The following ZNF483 variants were observed in gnomAD, a reference collection of about 807,000 sequenced individuals.
ZNF483 encodes the protein zinc finger protein 483.
In ZNF483, 9 loss-of-function variants were observed where a neutral mutation model predicts 28.6. The ratio of observed to expected loss-of-function variants is 0.32; its 90% CI spans 0.19 to 0.55. ZNF483 has a LOEUF of 0.55. Among genes scored for constraint, ZNF483 ranks in the 20% least tolerant of loss-of-function variants. The pLI, the probability that ZNF483 is intolerant of heterozygous loss-of-function variation, is 0.93. For synonymous variants in ZNF483, 322 were observed against 306.2 expected (o/e 1.05, Z -0.54); for missense variants, 675 against 871.7 (o/e 0.77, Z 2.84).
Position 111,549,764 on chromosome 9 carries a change from T to A in ZNF483, c.*6594T>A, listed in dbSNP as rs1282484863. ...ATACATATTCCCTTCATTTTTCTGC[T>A]TTGAAGCTTCAATCTTCTTCATTTT... is the stretch of plus-strand genomic sequence containing the variant. On this transcript the variant is annotated 3_prime_UTR_variant, in exon 6 of 6. Coordinates refer to ENST00000309235, the MANE Select transcript of ZNF483 (RefSeq NM_133464.5). 1 of 1,550,374 alleles carries A rather than the reference T, an allele frequency of 6.5e-7. No homozygotes were observed. The highest frequency in any genetic ancestry group is 1.4e-5 in the African/African-American group (1 of 73,034).
At chr9:111,558,223 CATGGT>C (rs547051641), downstream of ZNF483, among the ~76,000 whole-genome samples, 3 of 152,214 alleles carry the variant, frequency 2.0e-5, no homozygotes, top group Non-Finnish European at 4.4e-5. Flanking sequence ...AGTACGGACT[CATGGT>C]TTCCCTTTTT....
intron 5 of ZNF483, among the ~76,000 whole-genome samples, chr9:111,561,110 T>TATATATATATATATATATAGAG (rs1457364862): frequency 5.2e-5 from 1 of 19,190 alleles, no homozygotes. Context: ...TATATATATA[T>TATATATATATATATATATAGAG]AGAGAGAGAG....
chr9:111,560,986 G>T (rs561574755), intron 5 of ZNF483, among the ~76,000 whole-genome samples: 47 of 69,546 alleles, frequency 6.8e-4, no homozygotes, highest in East Asian at 2.8e-3. Context: ...GAGAGAGAGA[G>T]AGAGAGAGAG....
In ZNF483 at chr9:111,552,942, A is replaced by C. The variant is rs553336194; in HGVS notation, c.*9772A>C. Among the ~76,000 whole-genome samples, 6 of 152,262 alleles carry C rather than the reference A, an allele frequency of 3.9e-5. No individual in the cohort carries two copies. The South Asian group carries it at 1.2e-3, about 32-fold the overall frequency. ...AATTTTCTAAATACGATAAAGTGAT[A>C]ATTTCTTCATCTCTCCATCTAAGGT... On this transcript the variant is annotated 3_prime_UTR_variant, in exon 6 of 6. Transcript: ENST00000309235.
At chr9:111,532,466 G>A (rs796644865) in intron 3 of ZNF483, among the ~76,000 whole-genome samples, 11 of 152,310 alleles carry the variant, frequency 7.2e-5, no homozygotes, top group African/African-American at 2.6e-4. Flanking sequence ...GTTAGGCAGA[G>A]TTTGGAGTGA....
chr9:111,561,256 T>C (rs1204266827), intron 5 of ZNF483, among the ~76,000 whole-genome samples: 1 of 150,998 alleles, frequency 6.6e-6, no homozygotes, highest in Non-Finnish European at 1.5e-5. Context: ...TCATCAGTAA[T>C]GTTGCTTTTG....
chr9:111,573,075 G>A (rs1422822584), intron 5 of ZNF483, among the ~76,000 whole-genome samples: 3 of 152,252 alleles, frequency 2.0e-5, no homozygotes, highest in Non-Finnish European at 2.9e-5. Flanking sequence ...GAACGGACAA[G>A]GCCAGCTGAC....
chr9:111,530,541 A>G (rs1245059223), intron 2 of ZNF483, among the ~76,000 whole-genome samples: 1 of 151,496 alleles, frequency 6.6e-6, no homozygotes, highest in Non-Finnish European at 1.5e-5. Context: ...TCTTGGACTG[A>G]GGCCTTAACC....
At chr9:111,536,024 G>C (rs1378505105) in intron 5 of ZNF483, among the ~76,000 whole-genome samples, 1 of 150,670 alleles carries the variant, frequency 6.6e-6, no homozygotes, top group Non-Finnish European at 1.5e-5. Flanking sequence ...AACTAGCTGG[G>C]ACTATAGGCA....
chr9:111,528,269 C>T (rs1241536547), intron 2 of ZNF483, among the ~76,000 whole-genome samples: 1 of 152,146 alleles, frequency 6.6e-6, no homozygotes, highest in Non-Finnish European at 1.5e-5. Context: ...TTTTGCAATT[C>T]AAGTACATGA....
Position 111,542,101 on chromosome 9 carries a change from C to G in ZNF483, c.1166C>G (p.Ser389Cys). ...KRQKIHLGDR[S>C]QKCSKCGIIF... ...CAGAAGATTCATTTGGGGGATAGGT[C>G]CCAAAAATGCAGTAAGTGTGGGATA... Residue 389 changes from serine to cysteine, a missense_variant, in exon 6 of 6, where the codon TCC (serine) becomes TGC (cysteine). Physicochemically the swap from Ser to Cys is moderately radical, Grantham distance 112 (BLOSUM62 -1). Coordinates refer to ENST00000309235, the MANE Select transcript of ZNF483 (RefSeq NM_133464.5). The surrounding 1 kb of genome is among the most constrained non-coding windows in gnomAD (Gnocchi z 6.2). 1 of 1,613,948 alleles carries G rather than the reference C, an allele frequency of 6.2e-7. No homozygotes were observed. Among genetic ancestry groups the G allele is most frequent in the Non-Finnish European group, 8.5e-7 (1 of 1,180,018 alleles).
rs757459005 is a variant in ZNF483 at position 111,542,669 on chromosome 9, C to G, written c.1734C>G (p.Pro578=). The change falls in exon 6 of 6, where the codon CCC becomes CCG. Residue 578 remains proline (P), a synonymous_variant. Transcript: ENST00000309235. The surrounding 1 kb of genome is among the most constrained non-coding windows in gnomAD (Gnocchi z 6.2). ...KHQRIHTGEK[P]YKCGECGKAF... ...AGAGAATTCATACTGGAGAGAAACC[C>G]TATAAATGTGGCGAATGTGGAAAAG... The G allele has an allele frequency of 6.2e-7, 1 of 1,613,854 alleles. No individual in the cohort carries two copies. The highest frequency in any genetic ancestry group is 1.3e-5 in the African/African-American group (1 of 74,870).
In ZNF483 at chr9:111,543,501, C is replaced by G. The variant is rs1827724426; in HGVS notation, c.*331C>G. 9.7e-7 allele frequency: 1 copy of G among 1,032,660 alleles called. No homozygotes were observed. Among genetic ancestry groups the G allele is most frequent in the African/African-American group, 1.7e-5 (1 of 58,744 alleles). The allele number at this position is 1,032,660 out of a possible 1,614,324, so 64.0% of individuals were successfully genotyped here. The stretch of plus-strand genomic sequence containing the variant: ...AGAGAACTTGACTGCAGTCACATAA[C>G]TTGGATTCTGTCCCAGTTTGCCAAC... On this transcript the variant is annotated 3_prime_UTR_variant, in exon 6 of 6. Coordinates refer to ENST00000309235, the MANE Select transcript of ZNF483 (RefSeq NM_133464.5).
At chr9:111,540,996 C>T (rs1010521516) in intron 5 of ZNF483, among the ~76,000 whole-genome samples, 9 of 151,308 alleles carry the variant, frequency 5.9e-5, no homozygotes, top group African/African-American at 1.2e-4. Context: ...GTGCTTGGTG[C>T]GGGACCTGGC....
chr9:111,532,091 T>TTGA lies in ZNF483; in HGVS notation c.501+1129_501+1131dup, dbSNP rs1171036553. Among the ~76,000 whole-genome samples, 4 of 152,300 alleles carry TTGA rather than the reference T, an allele frequency of 2.6e-5. No individual in the cohort carries two copies. The South Asian group carries it at 6.2e-4, about 24-fold the overall frequency. Reference sequence around the variant, plus strand: ...TGGGAGGCCGGGGTGGGAGGATTGCTTGAGCCTGGGAGTTCGAGAGCAGTC... The same window carrying TTGA: ...TGGGAGGCCGGGGTGGGAGGATTGCTTGATGAGCCTGGGAGTTCGAGAGCAGTC... On this transcript the variant is annotated intron_variant, in intron 3 of 5. Coordinates refer to ENST00000309235, the MANE Select transcript of ZNF483 (RefSeq NM_133464.5).
chr9:111,542,204 A>C lies in ZNF483; in HGVS notation c.1269A>C (p.Glu423Asp). The change falls in exon 6 of 6, where the codon GAA becomes GAC. Residue 423 changes from glutamate (E) to aspartate (D), a missense_variant. This residue lies in a region of ZNF483 where 525 missense variants were observed against 581.8 expected (regional missense o/e 0.90). Coordinates refer to ENST00000309235, the MANE Select transcript of ZNF483 (RefSeq NM_133464.5). The surrounding 1 kb of genome is among the most constrained non-coding windows in gnomAD (Gnocchi z 6.2). ...CEKCRKDSCQ[E>D]AALNKDEGNE... ...AATGTCGGAAAGATTCATGTCAAGAAGCAGCCTTAAATAAAGATGAGGGAA... is the reference window on the plus strand; with the variant it reads ...AATGTCGGAAAGATTCATGTCAAGACGCAGCCTTAAATAAAGATGAGGGAA... 1.2e-6 allele frequency: 2 copies of C among 1,614,140 alleles called. No individual in the cohort carries two copies. Among genetic ancestry groups the C allele is most frequent in the Non-Finnish European group, 1.7e-6 (2 of 1,180,032 alleles).
Position 111,553,767 on chromosome 9 carries a change from T to C in ZNF483, c.*10597T>C, listed in dbSNP as rs1203032449. 1.3e-5 allele frequency among the ~76,000 whole-genome samples: 2 copies of C among 152,256 alleles called. No homozygotes were observed. Among genetic ancestry groups the C allele is most frequent in the Non-Finnish European group, 2.9e-5 (2 of 68,052 alleles). On this transcript the variant is annotated 3_prime_UTR_variant, in exon 6 of 6. Transcript: ENST00000309235. ...TGCTTCTGTTTTTAAAATTGTGAAA[T>C]GTGGCACTGTGTGGATTTCCATTTC...
At position 111,552,659 on chromosome 9, in the gene ZNF483, G is replaced by T. The variant is rs1828003908; in HGVS notation, c.*9489G>T. Among the ~76,000 whole-genome samples the T allele has an allele frequency of 6.6e-6, 1 of 152,152 alleles. No homozygotes were observed. The highest frequency in any genetic ancestry group is 6.5e-5 in the Admixed American group (1 of 15,274). On this transcript the variant is annotated 3_prime_UTR_variant, in exon 6 of 6. Coordinates refer to ENST00000309235, the MANE Select transcript of ZNF483 (RefSeq NM_133464.5). ...CATTGCCTTTACATGAATCGACATT[G>T]TAAATTTGGAGGTTCTTTGAGACAG...
chr9:111,527,658 AAG>A lies in ZNF483; in HGVS notation c.265_266del (p.Glu89ThrfsTer9), dbSNP rs1827215097. 1 of 1,614,036 alleles carries A rather than the reference AAG, an allele frequency of 6.2e-7. No individual in the cohort carries two copies. Among genetic ancestry groups the A allele is most frequent in the Admixed American group, 1.7e-5 (1 of 59,996 alleles). On this transcript the variant is annotated frameshift_variant, in exon 2 of 6. Transcript: ENST00000309235. LOFTEE classifies it high-confidence loss of function. ...TGGCTGAGACCAGACATTCACACGA[AAG>A]AACAGATTTTAGAGCTTCTGGTGTT...
Sources: allele counts gnomAD v4.1 joint callset (sites outside exome capture counted in the v4.1 genomes callset), GRCh38; gene constraint gnomAD v4.1.1; regional missense constraint gnomAD v4.1.1; non-coding constraint Gnocchi (gnomAD v3.1); transcripts MANE v1.5; gene names NCBI Gene and HGNC (gene_info 2026-07-23, HGNC 2026-07-21).